ABCC3: variants seen among roughly 807,000 people sequenced by gnomAD.
The protein encoded by ABCC3 is ATP binding cassette subfamily C member 3.
A neutral mutation model predicts 165.3 loss-of-function variants in ABCC3; 121 were observed. The ratio of observed to expected loss-of-function variants is 0.73; its 90% CI spans 0.63 to 0.85. The LOEUF (loss-of-function observed/expected upper bound fraction) is 0.85, where lower values mean the gene tolerates loss of function less well. Ranked by LOEUF, ABCC3 falls within the 40% of genes least tolerant of loss-of-function variation. The pLI, the probability that ABCC3 is intolerant of heterozygous loss-of-function variation, is 0.00. For missense variants in ABCC3, 1,869 were observed against 1,964.1 expected (o/e 0.95, Z 0.92); for synonymous variants, 733 against 810.1 (o/e 0.90, Z 1.62).
intron 19 of ABCC3, among the ~76,000 whole-genome samples, chr17:50,673,974 TTCTTTCTCTCTC>T (rs1967723019): frequency 4.5e-4 from 6 of 13,284 alleles, no homozygotes; most frequent in South Asian, 3.6e-3. Context: ...CTTTCTTTCT[TTCTTTCTCTCTC>T]TCTCTCTCTC....
chr17:50,671,711 T>C (rs535233146), intron 17 of ABCC3, among the ~76,000 whole-genome samples: 38 of 113,036 alleles, frequency 3.4e-4, no homozygotes, highest in Middle Eastern at 3.7e-3. Context: ...CCTTTTTTTT[T>C]TTTTTTTTTT....
rs763074343 is a variant in ABCC3 at position 50,663,739 on chromosome 17, G to A, written c.1057G>A (p.Ala353Thr). The change falls in exon 9 of 31, where the codon GCT (alanine) becomes ACT (threonine). Residue 353 changes from alanine (A) to threonine (T), a missense_variant. By Grantham distance (58) the Ala-to-Thr change is moderately conservative. Coordinates refer to ENST00000285238, the MANE Select transcript of ABCC3 (RefSeq NM_003786.4). ...MAPSWWGFLV[A>T]GLMFLCSMMQ... ...CCCCTCCTGGTGGGGCTTCCTGGTG[G>A]CTGGGCTGATGTTCCTGTGCTCCAT... is the stretch of plus-strand genomic sequence containing the variant. 28 of 1,614,094 alleles carry A rather than the reference G, an allele frequency of 1.7e-5. No individual in the cohort carries two copies. The highest frequency in any genetic ancestry group is 2.3e-5 in the Non-Finnish European group (27 of 1,180,048).
At chr17:50,677,218 A>C (rs1408659304) in intron 23 of ABCC3, among the ~76,000 whole-genome samples, 1 of 152,248 alleles carries the variant, frequency 6.6e-6, no homozygotes, top group Non-Finnish European at 1.5e-5. Flanking sequence ...CATTGTCAAC[A>C]GTTTGGGACA....
At chr17:50,676,724 T>C in intron 23 of ABCC3, 136 bp downstream of exon 23, 1 of 847,880 alleles carries the variant, frequency 1.2e-6, no homozygotes, top group Non-Finnish European at 1.8e-6. Flanking sequence ...TTGCTTAACA[T>C]TTATGTTAGG....
rs1351109901 is a variant in ABCC3, at chr17:50,679,851, C to T, written c.3759C>T (p.Asn1253=). Residue 1253 remains asparagine, a synonymous_variant, in exon 26 of 31, where the codon AAC becomes AAT. Coordinates refer to ENST00000285238, the MANE Select transcript of ABCC3 (RefSeq NM_003786.4). ...GAATGATGTCAGATTTGGAATCTAA[C>T]ATCGTGGCTGTGGAGAGGGTCAAGG... The part of the protein sequence containing the change: ...MIRMMSDLES[N]IVAVERVKEY... The T allele has an allele frequency of 3.1e-6, 5 of 1,614,160 alleles. No homozygotes were observed. The highest frequency in any genetic ancestry group is 1.1e-5 in the South Asian group (1 of 91,078).
intron 11 of ABCC3, among the ~76,000 whole-genome samples, 197 bp from the exon 12 acceptor site, chr17:50,667,357 G>A (rs1967545551): frequency 6.6e-6 from 1 of 152,136 alleles, no homozygotes; most frequent in Admixed American, 6.6e-5. Flanking sequence ...GATCTTGTCA[G>A]GCAGAGGACA....
At chr17:50,635,341 C>G (rs760068972) in intron 1 of ABCC3, 7 of 632,984 alleles carry the variant, frequency 1.1e-5, no homozygotes, top group Admixed American at 2.4e-5. Flanking sequence ...CGCAATCAGC[C>G]GCGGGTTCCT....
In ABCC3 at chr17:50,683,983, C is replaced by G; in HGVS notation, c.3989C>G (p.Ser1330Cys). The G allele has an allele frequency of 6.2e-7, 1 of 1,613,586 alleles. No individual in the cohort carries two copies. The highest frequency in any genetic ancestry group is 8.5e-7 in the Non-Finnish European group (1 of 1,179,768). The change falls in exon 28 of 31, where the codon TCT becomes TGT. Residue 1330 changes from serine to cysteine, a missense_variant. Physicochemically the swap from Ser to Cys is moderately radical, Grantham distance 112 (BLOSUM62 -1). Transcript: ENST00000285238. ...GTGGGCCGCACTGGGGCTGGCAAGTCTTCCATGACCCTTTGCCTGTTCCGC... is the reference window on the plus strand; with the variant it reads ...GTGGGCCGCACTGGGGCTGGCAAGTGTTCCATGACCCTTTGCCTGTTCCGC... ...GIVGRTGAGK[S>C]SMTLCLFRIL...
In ABCC3 at chr17:50,659,382, C is replaced by T. The variant is rs1567829775; in HGVS notation, c.806+14C>T. 1 of 1,600,818 alleles carries T rather than the reference C, an allele frequency of 6.2e-7. No homozygotes were observed. The highest frequency in any genetic ancestry group is 8.5e-7 in the Non-Finnish European group (1 of 1,170,414). ...GCAGACGGCACGGTGAGGCCCTCCC[C>T]TTGCCCCAACACCCAGCCCCTTCGC... is the stretch of plus-strand genomic sequence containing the variant. On this transcript the variant is annotated intron_variant, in intron 7 of 30. Transcript: ENST00000285238.
intron 1 of ABCC3, chr17:50,635,247 C>T: frequency 3.2e-6 from 2 of 628,054 alleles, no homozygotes; most frequent in Non-Finnish European, 5.7e-6. Context: ...AGGAAGAGTG[C>T]GCGGCTGGGG....
intron 1 of ABCC3, among the ~76,000 whole-genome samples, chr17:50,639,595 T>G (rs968051480): frequency 6.6e-6 from 1 of 151,662 alleles, no homozygotes; most frequent in Non-Finnish European, 1.5e-5. Context: ...CCCTGGGGAG[T>G]TGGGGGTGAA....
chr17:50,663,384 G>A lies in ABCC3; in HGVS notation c.999-297G>A, dbSNP rs575968976. 7.5e-5 allele frequency: 31 copies of A among 411,362 alleles called. 1 individual carries two copies. In the South Asian group the frequency reaches 7.5e-4, roughly 10 times the overall value. 25.5% of individuals were successfully genotyped at this position (411,362 alleles called of 1,614,324 possible). On this transcript the variant is annotated intron_variant, in intron 8 of 30. Coordinates refer to ENST00000285238, the MANE Select transcript of ABCC3 (RefSeq NM_003786.4). ...CAATGGAAACGTGGCATTTCTTCCC[G>A]CCATATGTCAGGAGGTAAGAAGGCA...
chr17:50,686,071 G>A (rs1385460727), intron 29 of ABCC3, among the ~76,000 whole-genome samples: 1 of 152,226 alleles, frequency 6.6e-6, no homozygotes, highest in Non-Finnish European at 1.5e-5. Flanking sequence ...GCGGGCGCCT[G>A]TAATCCCAGC....
intron 1 of ABCC3, among the ~76,000 whole-genome samples, chr17:50,642,661 G>A (rs916349134): frequency 2.6e-5 from 4 of 152,216 alleles, no homozygotes; most frequent in African/African-American, 9.6e-5. Flanking sequence ...GCACGAAGGG[G>A]CTCACCAACA....
At position 50,680,936 on chromosome 17, in the gene ABCC3, C is replaced by T. The variant is rs147459477; in HGVS notation, c.3807+1037C>T. On this transcript the variant is annotated intron_variant, in intron 26 of 30. Coordinates refer to ENST00000285238, the MANE Select transcript of ABCC3 (RefSeq NM_003786.4). Reference sequence around the variant, plus strand: ...CTAAAAATACAAAAAAATAGCTGGGCGTGGTGGTGCACACCTGTATTCCCA... The same window carrying T: ...CTAAAAATACAAAAAAATAGCTGGGTGTGGTGGTGCACACCTGTATTCCCA... Among the ~76,000 whole-genome samples the T allele has an allele frequency of 4.9e-3, 740 of 152,182 alleles. 10 individuals are homozygous for T. The highest frequency in any genetic ancestry group is 0.016 in the African/African-American group (672 of 41,518).
intron 26 of ABCC3, among the ~76,000 whole-genome samples, chr17:50,682,472 G>A (rs1488149197): frequency 1.3e-5 from 2 of 150,580 alleles, no homozygotes; most frequent in East Asian, 3.9e-4. Context: ...CCTACATGAT[G>A]GAGCCACCAT....
intron 25 of ABCC3, 24 bp from the exon 26 acceptor site, chr17:50,679,774 G>A (rs200038284): frequency 9.3e-6 from 15 of 1,606,580 alleles, no homozygotes; most frequent in African/African-American, 8.0e-5. Flanking sequence ...ATCGCCATAC[G>A]TATAACCCAG....
chr17:50,676,928 A>G (rs972058675), intron 23 of ABCC3, among the ~76,000 whole-genome samples: 1 of 150,254 alleles, frequency 6.7e-6, no homozygotes, highest in Admixed American at 6.6e-5. Context: ...TCTGTCGCTC[A>G]GGCTGGAGTG....
intron 1 of ABCC3, among the ~76,000 whole-genome samples, chr17:50,655,404 C>CAAAAAAAA (rs58586394): frequency 4.8e-4 from 27 of 56,506 alleles, no homozygotes; most frequent in African/African-American, 5.6e-4. Flanking sequence ...GACTCTGTCT[C>CAAAAAAAA]AAAAAAAAAA....
Sources: gnomAD v4.1 joint callset for allele counts (sites outside exome capture counted in the v4.1 genomes callset) on GRCh38, gnomAD v4.1.1 for gene constraint, MANE v1.5 for transcripts, NCBI Gene and HGNC (gene_info 2026-07-23, HGNC 2026-07-21) for gene names.